SUSD3: variants seen among roughly 807,000 people sequenced by gnomAD.
SUSD3 encodes the protein sushi domain containing 3, also known as sushi domain-containing protein 3.
A neutral mutation model predicts 20.6 loss-of-function variants in SUSD3; 18 were observed. That is an observed-to-expected ratio of 0.87 (90% confidence interval 0.60 to 1.30). The LOEUF is 1.30. SUSD3 is among the 50% of genes most tolerant of loss of function. The pLI is 0.00. For synonymous variants in SUSD3, 137 were observed against 141.5 expected (o/e 0.97, Z 0.23); for missense variants, 306 against 346.9 (o/e 0.88, Z 0.94).
rs560116881 is a variant in SUSD3, at chr9:93,058,961, G to T, written c.88+131G>T. 1,625 of 497,488 alleles carry T rather than the reference G, an allele frequency of 3.3e-3. 23 individuals carry two copies. Among genetic ancestry groups the T allele is most frequent in the African/African-American group, 0.029 (1,437 of 50,250 alleles). 30.8% of individuals were successfully genotyped at this position (497,488 alleles called of 1,614,324 possible). A position where few individuals can be genotyped will look rare whatever the true frequency, so the allele number is the denominator to read the frequency against. ...CACAGCAACGATCTGCCCCGAGGACGAACCTCCTCGACCCTCCGCCGGCCC... is the reference window on the plus strand; with the variant it reads ...CACAGCAACGATCTGCCCCGAGGACTAACCTCCTCGACCCTCCGCCGGCCC... On this transcript the variant is annotated intron_variant, in intron 1 of 4. Transcript: ENST00000375472.
intron 1 of SUSD3, among the ~76,000 whole-genome samples, chr9:93,060,591 G>A (rs570721095): frequency 1.3e-5 from 2 of 152,240 alleles, no homozygotes; most frequent in African/African-American, 4.8e-5. Flanking sequence ...CACACTTTGG[G>A]AGGCTGAGGT....
intron 1 of SUSD3, among the ~76,000 whole-genome samples, chr9:93,066,468 A>G (rs1825715648): frequency 6.6e-6 from 1 of 152,116 alleles, no homozygotes; most frequent in Non-Finnish European, 1.5e-5. Flanking sequence ...TGCTGACCTC[A>G]TGATCCGCCT....
chr9:93,084,984 A>G lies in SUSD3; in HGVS notation c.*237A>G. 2 of 400,778 alleles carry G rather than the reference A, an allele frequency of 5.0e-6. No homozygotes were observed. The highest frequency in any genetic ancestry group is 8.5e-5 in the South Asian group (1 of 11,758). 24.8% of individuals were successfully genotyped at this position (400,778 alleles called of 1,614,324 possible). A position where few individuals can be genotyped will look rare whatever the true frequency, so the allele number is the denominator to read the frequency against. ...GCCGTAACGATTTTTATAGTTATGG[A>G]CTACTTGAAACCACTACTGAGGGTA... is the stretch of plus-strand genomic sequence containing the variant. On this transcript the variant is annotated 3_prime_UTR_variant, in exon 5 of 5. Transcript: ENST00000375472.
intron 1 of SUSD3, among the ~76,000 whole-genome samples, chr9:93,067,554 G>T (rs1266013258): frequency 1.3e-5 from 2 of 151,758 alleles, no homozygotes; most frequent in African/African-American, 4.8e-5. Context: ...AGCTTCTGAG[G>T]TGCCAGTTTC....
intron 1 of SUSD3, among the ~76,000 whole-genome samples, chr9:93,062,709 G>T (rs954279270): frequency 6.6e-6 from 1 of 152,186 alleles, no homozygotes; most frequent in African/African-American, 2.4e-5. Context: ...TCAGTGAGGG[G>T]TGGCCCTGGG....
chr9:93,061,549 G>C (rs1825506936), intron 1 of SUSD3, among the ~76,000 whole-genome samples: 1 of 152,254 alleles, frequency 6.6e-6, no homozygotes, highest in South Asian at 2.1e-4. Flanking sequence ...GCTCAGCCTG[G>C]AGATGGAAGG....
At chr9:93,072,295 C>G (rs747319974) in intron 1 of SUSD3, among the ~76,000 whole-genome samples, 1 of 152,228 alleles carries the variant, frequency 6.6e-6, no homozygotes, top group Non-Finnish European at 1.5e-5. Context: ...TCTGCACTCT[C>G]GCCCTCAGCA....
At chr9:93,072,029 T>C (rs900226230) in intron 1 of SUSD3, among the ~76,000 whole-genome samples, 5 of 152,126 alleles carry the variant, frequency 3.3e-5, no homozygotes, top group African/African-American at 1.2e-4. Flanking sequence ...GTGCCTCAGT[T>C]TCCCCATCTG....
Position 93,079,536 on chromosome 9 carries a change from G to A in SUSD3, c.491G>A (p.Gly164Asp). 6.2e-7 allele frequency: 1 copy of A among 1,614,136 alleles called. No individual in the cohort carries two copies. The highest frequency in any genetic ancestry group is 8.5e-7 in the Non-Finnish European group (1 of 1,180,008). Residue 164 changes from glycine (G) to aspartate (D), a missense_variant, in exon 4 of 5, where the codon GGC becomes GAC. Physicochemically the swap from Gly to Asp is moderately conservative, Grantham distance 94. Transcript: ENST00000375472. ...DLETVQAAYLGLKHFNKPVSG... is the reference protein window; with the variant it reads ...DLETVQAAYLDLKHFNKPVSG... The stretch of plus-strand genomic sequence containing the variant: ...GAGACGGTGCAGGCCGCATACCTTG[G>A]CCTCAAGCACTTCAACAAACCCGTG...
In SUSD3 at chr9:93,058,785, CG is replaced by C. The variant is rs1443343193; in HGVS notation, c.48del (p.Arg17GlyfsTer90). 4.0e-6 allele frequency: 5 copies of C among 1,240,508 alleles called. No individual in the cohort carries two copies. The highest frequency in any genetic ancestry group is 3.5e-5 in the South Asian group (1 of 28,392). 76.8% of individuals were successfully genotyped at this position (1,240,508 alleles called of 1,614,324 possible). Reference sequence around the variant, plus strand: ...CACCCTCCGTGGCAAGGCGAGGCCCCGGGGGCGGGCCGGGGTCACCACGCCT... The same window carrying C: ...CACCCTCCGTGGCAAGGCGAGGCCCCGGGGCGGGCCGGGGTCACCACGCCT... ...AATLRGKARPRGRAGVTTPAP... is the reference protein window; with the variant it reads ...AATLRGKARPXGRAGVTTPAP... On this transcript the variant is annotated frameshift_variant, in exon 1 of 5. Coordinates refer to ENST00000375472, the MANE Select transcript of SUSD3 (RefSeq NM_145006.4). LOFTEE classifies it high-confidence loss of function.
intron 1 of SUSD3, among the ~76,000 whole-genome samples, chr9:93,073,546 C>T (rs1289643080): frequency 1.3e-5 from 2 of 152,170 alleles, no homozygotes; most frequent in African/African-American, 4.8e-5. Context: ...CCGTGCCCGT[C>T]CTGTCCCTGT....
chr9:93,075,731 T>TGGGGGGGGGGGGGGGGGGGGGGGGGGGG, intron 1 of SUSD3, 53 bp from the exon 2 acceptor site: 8 of 398,892 alleles, frequency 2.0e-5, no homozygotes, highest in Non-Finnish European at 3.1e-5. Flanking sequence ...AGCCCTGCCC[T>TGGGGGGGGGGGGGGGGGGGGGGGGGGGG]GCGTGCCCAC....
chr9:93,084,924 C>T lies in SUSD3; in HGVS notation c.*177C>T. On this transcript the variant is annotated 3_prime_UTR_variant, in exon 5 of 5. Coordinates refer to ENST00000375472, the MANE Select transcript of SUSD3 (RefSeq NM_145006.4). Reference sequence around the variant, plus strand: ...CCGAGCTGACATCCAAGGCTGAGGACCCCAGTGGGGAGTGTTCTGTTCCGG... The same window carrying T: ...CCGAGCTGACATCCAAGGCTGAGGATCCCAGTGGGGAGTGTTCTGTTCCGG... The T allele has an allele frequency of 1.8e-6, 1 of 541,282 alleles. No individual in the cohort carries two copies. The highest frequency in any genetic ancestry group is 3.1e-5 in the South Asian group (1 of 32,276). The allele number at this position is 541,282 out of a possible 1,614,324, so 33.5% of individuals were successfully genotyped here. A position where few individuals can be genotyped will look rare whatever the true frequency, so the allele number is the denominator to read the frequency against.
chr9:93,084,431 A>T (rs530575385), intron 4 of SUSD3, 106 bp from the exon 5 acceptor site: 247 of 1,041,442 alleles, frequency 2.4e-4, no homozygotes, highest in Admixed American at 4.4e-4. Flanking sequence ...TCAGGGCAGC[A>T]GTTGCCCCAG....
chr9:93,077,848 G>A lies in SUSD3; in HGVS notation c.280G>A (p.Val94Met). The A allele has an allele frequency of 1.2e-6, 2 of 1,614,156 alleles. No homozygotes were observed. The highest frequency in any genetic ancestry group is 1.7e-6 in the Non-Finnish European group (2 of 1,180,018). The change falls in exon 3 of 5, where the codon GTG becomes ATG. Residue 94 changes from valine (V) to methionine (M), a missense_variant and splice_region_variant. Val to Met is a conservative substitution (Grantham distance 21). Coordinates refer to ENST00000375472, the MANE Select transcript of SUSD3 (RefSeq NM_145006.4). Reference protein sequence around the residue: ...WSSGSPVCKLVPPHETFGFKV... With the variant: ...WSSGSPVCKLMPPHETFGFKV... ...GCTGGTGGTTGTCTCCCACACAGTGGTGCCACCACACGAGACCTTTGGCTT... is the reference window on the plus strand; with the variant it reads ...GCTGGTGGTTGTCTCCCACACAGTGATGCCACCACACGAGACCTTTGGCTT...
At chr9:93,075,756 CA>C in intron 1 of SUSD3, 27 bp from the exon 2 acceptor site, 11 of 539,974 alleles carry the variant, frequency 2.0e-5, no homozygotes, top group Admixed American at 6.1e-5. Flanking sequence ...CCCCCCCCGC[CA>C]TGCCTCATAC....
At chr9:93,071,489 C>T (rs1438076157) in intron 1 of SUSD3, among the ~76,000 whole-genome samples, 2 of 152,192 alleles carry the variant, frequency 1.3e-5, no homozygotes, top group African/African-American at 4.8e-5. Flanking sequence ...CTTCCACGTT[C>T]CTCTGCCTGC....
intron 1 of SUSD3, among the ~76,000 whole-genome samples, chr9:93,063,217 C>T (rs1825575933): frequency 6.6e-6 from 1 of 152,142 alleles, no homozygotes; most frequent in African/African-American, 2.4e-5. Context: ...CTGAAGTTTC[C>T]CTGTGTTCCA....
chr9:93,064,798 G>A (rs1270122346), intron 1 of SUSD3, among the ~76,000 whole-genome samples: 1 of 152,158 alleles, frequency 6.6e-6, no homozygotes, highest in East Asian at 1.9e-4. Flanking sequence ...TGCCTGTTGT[G>A]GTATTTGTAG....
Sources: allele counts gnomAD v4.1 joint callset (sites outside exome capture counted in the v4.1 genomes callset), GRCh38; gene constraint gnomAD v4.1.1; transcripts MANE v1.5; gene names NCBI Gene and HGNC (gene_info 2026-07-23, HGNC 2026-07-21).